The following TTC3 variants were observed in gnomAD, a reference collection of about 807,000 sequenced individuals.
The protein encoded by TTC3 is E3 ubiquitin-protein ligase TTC3.
A neutral mutation model predicts 249.6 loss-of-function variants in TTC3; 180 were observed. The ratio of observed to expected loss-of-function variants is 0.72; its 90% confidence interval spans 0.64 to 0.82. The LOEUF is 0.82. Ranked by LOEUF, TTC3 falls within the 40% of genes least tolerant of loss-of-function variation. The probability of loss-of-function intolerance (pLI) is 0.00; values close to 1 mark genes in which losing one functional copy is unlikely to be tolerated. For missense variants in TTC3, 2,061 were observed against 2,398.4 expected (o/e 0.86, Z 2.94); for synonymous variants, 717 against 805.0 (o/e 0.89, Z 1.85).
intron 33 of TTC3, 104 bp from the exon 34 acceptor site, chr21:37,167,451 A>AT: frequency 1.3e-6 from 1 of 788,264 alleles, no homozygotes; most frequent in Non-Finnish European, 2.0e-6. Flanking sequence ...GGGAAAAAAA[A>AT]CTTGAAAAAA....
intron 5 of TTC3, 108 bp from the exon 6 acceptor site, chr21:37,090,125 A>G (rs1411605423): frequency 2.2e-5 from 16 of 715,132 alleles, no homozygotes; most frequent in Non-Finnish European, 3.5e-5. Context: ...GAAGTGTACT[A>G]CTGAGTACAT....
At chr21:37,080,808 A>T (rs987487564) in intron 1 of TTC3, among the ~76,000 whole-genome samples, 1 of 149,228 alleles carries the variant, frequency 6.7e-6, no homozygotes. Context: ...TTTTACTTTG[A>T]TTTTTTTTAG....
At chr21:37,109,578 T>C (rs1415189731) in intron 11 of TTC3, among the ~76,000 whole-genome samples, 1 of 152,182 alleles carries the variant, frequency 6.6e-6, no homozygotes, top group African/African-American at 2.4e-5. Context: ...TCGAACTGGG[T>C]GGAGCCCACC....
Position 37,161,987 on chromosome 21 carries a change from C to T in TTC3, c.3097-3C>T. ...ATTGTCATTTTTCTGTCTTTTAAAC[C>T]AGCCTATGTTAGTTGGGTCTGGAAC... On this transcript the variant is annotated splice_region_variant and splice_polypyrimidine_tract_variant and intron_variant, in intron 30 of 45. Coordinates refer to ENST00000355666, the Ensembl canonical transcript of TTC3. The T allele has an allele frequency of 1.9e-6, 3 of 1,544,002 alleles. No homozygotes were observed. Among genetic ancestry groups the T allele is most frequent in the Non-Finnish European group, 2.6e-6 (3 of 1,140,980 alleles).
chr21:37,076,303 G>A (rs1242586556), intron 1 of TTC3, among the ~76,000 whole-genome samples: 1 of 152,202 alleles, frequency 6.6e-6, no homozygotes, highest in African/African-American at 2.4e-5. Flanking sequence ...TATTCCAAGT[G>A]TGAATATAAC....
chr21:37,145,250 T>C (rs1449201708), intron 21 of TTC3, among the ~76,000 whole-genome samples: 1 of 152,232 alleles, frequency 6.6e-6, no homozygotes, highest in African/African-American at 2.4e-5. Context: ...TGATTTTGGC[T>C]GAAGCTTTTA....
At chr21:37,182,833 G>T (rs770045736) in exon 36 of TTC3, 1 of 1,592,072 alleles carries the variant, frequency 6.3e-7, no homozygotes. Context: ...TTAAAAAATG[G>T]CAACAGGAAA....
intron 44 of TTC3, 39 bp downstream of exon 44, chr21:37,198,064 CA>C: frequency 6.6e-7 from 1 of 1,522,424 alleles, no homozygotes; most frequent in Non-Finnish European, 8.8e-7. Flanking sequence ...TAATGAAAAA[CA>C]AGAAGCAAAC....
intron 8 of TTC3, among the ~76,000 whole-genome samples, chr21:37,095,086 T>C (rs1471996809): frequency 1.3e-5 from 2 of 151,690 alleles, no homozygotes; most frequent in African/African-American, 4.8e-5. Flanking sequence ...CAGTGAGCTG[T>C]GATTGCACCA....
rs1171483071 is a variant in TTC3 at position 37,087,887 on chromosome 21, G to A, written c.187+12G>A. 1.3e-6 allele frequency: 2 copies of A among 1,589,128 alleles called. No homozygotes were observed. Among genetic ancestry groups the A allele is most frequent in the Non-Finnish European group, 1.7e-6 (2 of 1,164,048 alleles). ...TGAGAGGAATTTGGGTGAGTACGTT[G>A]GTATTTTTAATGTTAATTTATGGAA... On this transcript the variant is annotated intron_variant, in intron 3 of 45. Transcript: ENST00000355666.
At chr21:37,089,672 C>T (rs1601313969) in intron 5 of TTC3, among the ~76,000 whole-genome samples, 1 of 152,086 alleles carries the variant, frequency 6.6e-6, no homozygotes, top group African/African-American at 2.4e-5. Context: ...TGCCACCATG[C>T]CCAGTTAACT....
chr21:37,133,055 A>C (rs1218204478), intron 17 of TTC3, among the ~76,000 whole-genome samples: 1 of 152,188 alleles, frequency 6.6e-6, no homozygotes, highest in Non-Finnish European at 1.5e-5. Flanking sequence ...ATCTATCACT[A>C]ATTTAAATAT....
chr21:37,101,600 C>G (rs1407004857), intron 10 of TTC3, among the ~76,000 whole-genome samples: 1 of 152,154 alleles, frequency 6.6e-6, no homozygotes, highest in African/African-American at 2.4e-5. Flanking sequence ...TGATTCATCT[C>G]TTCAGATCCT....
intron 10 of TTC3, chr21:37,107,606 A>C (rs977932824): frequency 6.6e-6 from 1 of 152,204 alleles, no homozygotes; most frequent in African/African-American, 2.4e-5. Context: ...ATGGGCCCAG[A>C]GATGTTAATA....
In TTC3 at chr21:37,176,273, T is replaced by C. The variant is rs1414871777; in HGVS notation, c.4617+3529T>C. Among the ~76,000 whole-genome samples the C allele has an allele frequency of 3.3e-5, 5 of 152,368 alleles. No homozygotes were observed. The East Asian group carries it at 9.6e-4, about 29-fold the overall frequency. ...ACAAAGTATACAATTTAGTGGTTTT[T>C]TGAATATTCACATTATTGTGTAACC... On this transcript the variant is annotated intron_variant, in intron 35 of 45. Coordinates refer to ENST00000355666, the Ensembl canonical transcript of TTC3.
chr21:37,089,638 C>T (rs570752116), intron 5 of TTC3, among the ~76,000 whole-genome samples: 59 of 152,068 alleles, frequency 3.9e-4, no homozygotes, highest in Non-Finnish European at 6.6e-4. Context: ...CTCAGCCTCC[C>T]GAGTAGCTGG....
At chr21:37,199,530 C>G (rs1470659759) in intron 44 of TTC3, among the ~76,000 whole-genome samples, 1 of 152,224 alleles carries the variant, frequency 6.6e-6, no homozygotes, top group Non-Finnish European at 1.5e-5. Flanking sequence ...ATCTCTGCGT[C>G]CAGCACCCGA....
At chr21:37,137,771 AAG>A (rs1420640161) in intron 18 of TTC3, among the ~76,000 whole-genome samples, 1 of 152,214 alleles carries the variant, frequency 6.6e-6, no homozygotes, top group Non-Finnish European at 1.5e-5. Flanking sequence ...TTCTGAAAGT[AAG>A]AGTCAATCAG....
At chr21:37,123,659 A>T (rs1452494783) in intron 13 of TTC3, among the ~76,000 whole-genome samples, 1 of 152,216 alleles carries the variant, frequency 6.6e-6, no homozygotes, top group Non-Finnish European at 1.5e-5. Context: ...ACATAAAGAA[A>T]TTGGCTGTGG....
Sources: allele counts gnomAD v4.1 joint callset (sites outside exome capture counted in the v4.1 genomes callset), GRCh38; gene constraint gnomAD v4.1.1; transcripts MANE v1.5; gene names NCBI Gene and HGNC (gene_info 2026-07-23, HGNC 2026-07-21).